Variants in CSMD1 observed in about 807,000 individuals in gnomAD.
CSMD1 encodes CUB and sushi domain-containing protein 1.
In CSMD1, 213 loss-of-function variants were observed where a neutral mutation model predicts 417.5. That is an observed-to-expected ratio of 0.51 (90% CI 0.46 to 0.57). The LOEUF (loss-of-function observed/expected upper bound fraction) is 0.57. CSMD1 is among the 20% of genes least tolerant of loss of function. The pLI is 0.00. For missense variants in CSMD1, 6,923 were observed against 4,529.7 expected, an observed-to-expected ratio of 1.53 and a Z score of -15.17; for synonymous variants, 2,862 against 1,736.8, an observed-to-expected ratio of 1.65 and a Z score of -16.11.
At chr8:3,771,908 G>A (rs1462697784) in intron 5 of CSMD1, among the ~76,000 whole-genome samples, 1 of 151,928 alleles carries the variant, frequency 6.6e-6, no homozygotes, top group Non-Finnish European at 1.5e-5. Context: ...ATATGAGCAG[G>A]AGAAAAATAG....
At chr8:3,222,882 T>C (rs1446866789) in intron 28 of CSMD1, among the ~76,000 whole-genome samples, 1 of 152,088 alleles carries the variant, frequency 6.6e-6, no homozygotes, top group Non-Finnish European at 1.5e-5. Context: ...GAGGAGAAAG[T>C]GAGGGTATGT....
intron 3 of CSMD1, among the ~76,000 whole-genome samples, chr8:4,395,794 C>G (rs1049982335): frequency 3.9e-5 from 6 of 152,028 alleles, no homozygotes; most frequent in African/African-American, 1.2e-4. Context: ...GAATACAATT[C>G]AATTATGCAT....
At chr8:3,330,158 T>C (rs1398504499) in intron 23 of CSMD1, among the ~76,000 whole-genome samples, 1 of 152,190 alleles carries the variant, frequency 6.6e-6, no homozygotes, top group Non-Finnish European at 1.5e-5. Flanking sequence ...GATTTCTCCT[T>C]ACATTGATAA....
chr8:4,549,916 A>AAG (rs1797795877), intron 2 of CSMD1, among the ~76,000 whole-genome samples: 4 of 143,152 alleles, frequency 2.8e-5, no homozygotes, highest in South Asian at 2.1e-4. Context: ...AAAAAAAAAA[A>AAG]AAAAGAAAAG....
chr8:3,807,689 G>A (rs977599909), intron 5 of CSMD1, among the ~76,000 whole-genome samples: 3 of 152,028 alleles, frequency 2.0e-5, no homozygotes, highest in Admixed American at 6.6e-5. Context: ...TTAAGTTTTG[G>A]CTTTTCTTCC....
chr8:4,514,657 A>C (rs1331043854), intron 2 of CSMD1, among the ~76,000 whole-genome samples: 1 of 152,190 alleles, frequency 6.6e-6, no homozygotes, highest in Non-Finnish European at 1.5e-5. Context: ...TTAAATAAAA[A>C]AGTAGACCTC....
At chr8:4,003,965 C>T (rs1815905235) in intron 4 of CSMD1, among the ~76,000 whole-genome samples, 2 of 151,874 alleles carry the variant, frequency 1.3e-5, no homozygotes, top group Non-Finnish European at 2.9e-5. Context: ...AAACCATCAA[C>T]TGGAAAACAT....
chr8:3,595,409 T>C (rs1207471125), intron 8 of CSMD1, among the ~76,000 whole-genome samples: 1 of 152,220 alleles, frequency 6.6e-6, no homozygotes, highest in Non-Finnish European at 1.5e-5. Flanking sequence ...TTTCTTTTCA[T>C]AGCGGCAATT....
chr8:4,851,460 AT>A (rs770783142), intron 1 of CSMD1, among the ~76,000 whole-genome samples: 6 of 148,820 alleles, frequency 4.0e-5, no homozygotes, highest in African/African-American at 1.2e-4. Flanking sequence ...GTCAACCTCT[AT>A]TTTTTTTCTT....
chr8:3,852,853 G>A (rs565952081), intron 5 of CSMD1, among the ~76,000 whole-genome samples: 14 of 152,226 alleles, frequency 9.2e-5, no homozygotes, highest in African/African-American at 2.9e-4. Flanking sequence ...ATTCCTCTCA[G>A]CAGAATCAAT....
intron 4 of CSMD1, among the ~76,000 whole-genome samples, chr8:4,004,479 C>T (rs1433573772): frequency 6.7e-6 from 1 of 148,544 alleles, no homozygotes; most frequent in Non-Finnish European, 1.5e-5. Flanking sequence ...CCTAATTTAT[C>T]TATTATATAT....
chr8:4,488,458 T>A (rs1452435296), intron 2 of CSMD1, among the ~76,000 whole-genome samples: 2 of 152,068 alleles, frequency 1.3e-5, no homozygotes, highest in African/African-American at 2.4e-5. Context: ...TATGCTCAAA[T>A]GAATATTCAC....
At chr8:4,765,600 G>A (rs1812410858) in intron 1 of CSMD1, among the ~76,000 whole-genome samples, 1 of 152,190 alleles carries the variant, frequency 6.6e-6, no homozygotes, top group Admixed American at 6.6e-5. Context: ...AACCTCCTGA[G>A]CAGCTGAGAA....
intron 3 of CSMD1, among the ~76,000 whole-genome samples, chr8:4,322,207 T>C (rs1196060619): frequency 1.3e-5 from 2 of 152,212 alleles, no homozygotes; most frequent in Non-Finnish European, 2.9e-5. Context: ...ACTCTATGGT[T>C]CCATATAGAT....
chr8:3,686,117 A>G (rs1799932020), intron 7 of CSMD1, among the ~76,000 whole-genome samples: 1 of 152,094 alleles, frequency 6.6e-6, no homozygotes, highest in African/African-American at 2.4e-5. Flanking sequence ...ATGTTTATCA[A>G]AAAGAAAAAA....
At chr8:3,527,016 C>T (rs1057496594) in intron 10 of CSMD1, among the ~76,000 whole-genome samples, 1 of 152,024 alleles carries the variant, frequency 6.6e-6, no homozygotes, top group African/African-American at 2.4e-5. Flanking sequence ...CCTCTCCCTA[C>T]TCAGAATGTG....
Position 3,922,129 on chromosome 8 carries a change from C to A in CSMD1, c.818+75774G>T, listed in dbSNP as rs1015695362. Among the ~76,000 whole-genome samples the A allele has an allele frequency of 7.1e-5, 10 of 140,034 alleles. No homozygotes were observed. The Admixed American group carries it at 7.5e-4, about 11-fold the overall frequency. 91.9% of individuals were successfully genotyped at this position (140,034 alleles called of 152,430 possible). ...TGACCCCTTTATCATTATATTATGA[C>A]ATTCTTTCTTTCATGTTTCCGTTTT... On this transcript the variant is annotated intron_variant, in intron 5 of 69. Coordinates refer to ENST00000635120, the MANE Select transcript of CSMD1 (RefSeq NM_033225.6).
chr8:4,463,275 A>G (rs1035227044), intron 2 of CSMD1, among the ~76,000 whole-genome samples: 6 of 152,012 alleles, frequency 3.9e-5, no homozygotes, highest in Non-Finnish European at 5.9e-5. Flanking sequence ...ACCATCAAAA[A>G]GACAGTTAGT....
Position 3,284,040 on chromosome 8 carries a change from T to C in CSMD1, c.4153+104A>G, listed in dbSNP as rs1802948293. 3.2e-6 allele frequency: 3 copies of C among 940,140 alleles called. No individual in the cohort carries two copies. In the African/African-American group the frequency reaches 4.9e-5, roughly 15 times the overall value. The allele number at this position is 940,140 out of a possible 1,614,324, so 58.2% of individuals were successfully genotyped here. On this transcript the variant is annotated intron_variant, in intron 26 of 69. Transcript: ENST00000635120. ...TAACTTCAAATTAGGCTCAATAAAT[T>C]GCATCTGTGTAAGGAGACGCTGGTG...
Sources: gnomAD v4.1 joint callset for allele counts (sites outside exome capture counted in the v4.1 genomes callset) on GRCh38, gnomAD v4.1.1 for gene constraint, MANE v1.5 for transcripts, NCBI Gene and HGNC (gene_info 2026-07-23, HGNC 2026-07-21) for gene names.